The following KCNQ1OT1 variants were observed in gnomAD, a reference collection of about 807,000 sequenced individuals.
KCNQ1OT1 encodes KCNQ1 opposite strand/antisense transcript 1.
At position 2,662,094 on chromosome 11, in the gene KCNQ1OT1, A is replaced by G. The variant is rs532874422; in HGVS notation, n.37901T>C. ...CCCACATCTCACAGTGAGTGCCTAC[A>G]TGTGCGTGAAGGGCTGGGCTGGAGG... is the stretch of plus-strand genomic sequence containing the variant. On this transcript the variant is annotated non_coding_transcript_exon_variant, in exon 1 of 1. Coordinates refer to ENST00000597346, the Ensembl canonical transcript of KCNQ1OT1. The G allele has an allele frequency of 8.1e-6, 13 of 1,614,146 alleles. No homozygotes were observed. The Admixed American group carries it at 1.2e-4, about 14-fold the overall frequency.
exon 1 of KCNQ1OT1, chr11:2,616,541 T>C: frequency 2.5e-6 from 1 of 398,108 alleles, no homozygotes; most frequent in South Asian, 1.3e-4. Context: ...ATTTTTCCTC[T>C]GAGCACTTCT....
At chr11:2,693,934 T>A (rs1244903177) in exon 1 of KCNQ1OT1, 2 of 398,632 alleles carry the variant, frequency 5.0e-6, no homozygotes, top group African/African-American at 4.1e-5. Context: ...CGGTATCCGC[T>A]GAGAACCACT....
exon 1 of KCNQ1OT1, chr11:2,625,944 C>G: frequency 2.5e-6 from 1 of 398,566 alleles, no homozygotes; most frequent in Non-Finnish European, 4.4e-6. Context: ...GGACATTAAT[C>G]CCTTATCAGG....
rs1190708709 is a variant in KCNQ1OT1 at position 2,645,909 on chromosome 11, T to C, written n.54086A>G. ...TCTCTGGGAGCTGTTCATTGCCATT[T>C]CACAGTCTGTAGGTAGCCTCTTGTT... On this transcript the variant is annotated non_coding_transcript_exon_variant, in exon 1 of 1. Coordinates refer to ENST00000597346, the Ensembl canonical transcript of KCNQ1OT1. The surrounding 1 kb of genome is among the most constrained non-coding windows in gnomAD (Gnocchi z 5.8). 2.5e-6 allele frequency: 1 copy of C among 398,638 alleles called. No homozygotes were observed. Among genetic ancestry groups the C allele is most frequent in the African/African-American group, 2.1e-5 (1 of 48,730 alleles). 24.7% of individuals were successfully genotyped at this position (398,638 alleles called of 1,614,324 possible). A position where few individuals can be genotyped will look rare whatever the true frequency, so the allele number is the denominator to read the frequency against.
chr11:2,695,211 G>A lies in KCNQ1OT1; in HGVS notation n.4784C>T, dbSNP rs778156701. On this transcript the variant is annotated non_coding_transcript_exon_variant, in exon 1 of 1. Coordinates refer to ENST00000597346, the Ensembl canonical transcript of KCNQ1OT1. The surrounding 1 kb of genome is among the most constrained non-coding windows in gnomAD (Gnocchi z 5.2). ...CCTATGAAACACTGTCACCCTGTAA[G>A]GGTCTGCATAAAGTCACCGCTCTCT... 3.8e-4 allele frequency: 151 copies of A among 398,454 alleles called. No homozygotes were observed. The highest frequency in any genetic ancestry group is 4.9e-4 in the Non-Finnish European group (110 of 226,084). 24.7% of individuals were successfully genotyped at this position (398,454 alleles called of 1,614,324 possible). A position where few individuals can be genotyped will look rare whatever the true frequency, so the allele number is the denominator to read the frequency against.
At chr11:2,650,650 C>G (rs1032965219) in exon 1 of KCNQ1OT1, 2 of 398,504 alleles carry the variant, frequency 5.0e-6, no homozygotes, top group Non-Finnish European at 8.8e-6. Context: ...TACCTTCAAA[C>G]TTTTTGACAA....
chr11:2,650,757 A>G (rs77261324), exon 1 of KCNQ1OT1: 1 of 398,662 alleles, frequency 2.5e-6, no homozygotes, highest in African/African-American at 2.1e-5. Context: ...TGCTACCCAC[A>G]GGCAATTTGA....
At position 2,608,353 on chromosome 11, in the gene KCNQ1OT1, T is replaced by G; in HGVS notation, n.91642A>C. ...TAGTCAGTTTTCATAGTTTTCATCT[T>G]TCTAGGAATTTGTCAATTTCATCTA... is the stretch of plus-strand genomic sequence containing the variant. On this transcript the variant is annotated non_coding_transcript_exon_variant, in exon 1 of 1. Transcript: ENST00000597346. This position sits in a 1 kb window ranked among gnomAD's most constrained non-coding sequence, Gnocchi z 4.6. The G allele has an allele frequency of 2.5e-6, 1 of 398,610 alleles. No individual in the cohort carries two copies. Among genetic ancestry groups the G allele is most frequent in the Non-Finnish European group, 4.4e-6 (1 of 226,054 alleles). The allele number at this position is 398,610 out of a possible 1,614,324, so 24.7% of individuals were successfully genotyped here.
At chr11:2,616,563 C>T (rs1849068019) in exon 1 of KCNQ1OT1, 1 of 397,898 alleles carries the variant, frequency 2.5e-6, no homozygotes, top group Non-Finnish European at 4.4e-6. Flanking sequence ...TCACTACATC[C>T]CATAAGTCTG....
exon 1 of KCNQ1OT1, chr11:2,660,248 C>T (rs1027917525): frequency 2.3e-5 from 9 of 397,970 alleles, no homozygotes; most frequent in Non-Finnish European, 2.7e-5. Flanking sequence ...AATTGTTGAT[C>T]ATCTGTCCTA....
chr11:2,630,793 T>C (rs895973854), exon 1 of KCNQ1OT1: 14 of 398,366 alleles, frequency 3.5e-5, no homozygotes, highest in Non-Finnish European at 5.8e-5. Context: ...CCTTCAACTT[T>C]TGTTTACCTG....
chr11:2,694,444 A>G (rs1402262432), exon 1 of KCNQ1OT1: 1 of 398,566 alleles, frequency 2.5e-6, no homozygotes, highest in Non-Finnish European at 4.4e-6. Flanking sequence ...ATCTTACAAT[A>G]TAAATGACAG....
chr11:2,660,884 A>C (rs185380746), exon 1 of KCNQ1OT1: 1 of 398,662 alleles, frequency 2.5e-6, no homozygotes, highest in Admixed American at 4.4e-5. Context: ...ATATGGCATC[A>C]TAGTCTGAAT....
chr11:2,633,193 T>G lies in KCNQ1OT1; in HGVS notation n.66802A>C, dbSNP rs147753998. 6 of 398,552 alleles carry G rather than the reference T, an allele frequency of 1.5e-5. No homozygotes were observed. In the East Asian group the frequency reaches 2.1e-4, roughly 14 times the overall value. 24.7% of individuals were successfully genotyped at this position (398,552 alleles called of 1,614,324 possible). ...GTTGAGCATTTTTTCACATACCTGT[T>G]GGCCAGTTGTTCTATTTTGCACATT... On this transcript the variant is annotated non_coding_transcript_exon_variant, in exon 1 of 1. Coordinates refer to ENST00000597346, the Ensembl canonical transcript of KCNQ1OT1.
In KCNQ1OT1 at chr11:2,620,176, G is replaced by C. The variant is rs554244540; in HGVS notation, n.79819C>G. On this transcript the variant is annotated non_coding_transcript_exon_variant, in exon 1 of 1. Transcript: ENST00000597346. The surrounding 1 kb of genome is among the most constrained non-coding windows in gnomAD (Gnocchi z 4.5). ...GGCCTCTAGCTGCATCCATGTTGCT[G>C]CAAAGGACGTAAGTTCATTCATGTA... 5.1e-6 allele frequency: 2 copies of C among 393,786 alleles called. No individual in the cohort carries two copies. 24.4% of individuals were successfully genotyped at this position (393,786 alleles called of 1,614,324 possible).
chr11:2,627,779 CTCCA>C lies in KCNQ1OT1; in HGVS notation n.72212_72215del. 1 of 398,336 alleles carries C rather than the reference CTCCA, an allele frequency of 2.5e-6. No homozygotes were observed. The highest frequency in any genetic ancestry group is 4.4e-6 in the Non-Finnish European group (1 of 226,052). The allele number at this position is 398,336 out of a possible 1,614,324, so 24.7% of individuals were successfully genotyped here. On this transcript the variant is annotated non_coding_transcript_exon_variant, in exon 1 of 1. Transcript: ENST00000597346. The surrounding 1 kb of genome is among the most constrained non-coding windows in gnomAD (Gnocchi z 4.9). ...TCTTCCTTTCTTTTTGAGACAGGGT[CTCCA>C]TCTGTCATCCAGGCAGGAGTACAGT...
exon 1 of KCNQ1OT1, chr11:2,662,181 T>C: frequency 6.6e-7 from 1 of 1,514,310 alleles, no homozygotes; most frequent in South Asian, 1.2e-5. Flanking sequence ...GCCAGAGTGC[T>C]ATCTACTCGC....
chr11:2,615,677 A>G (rs1849049095), exon 1 of KCNQ1OT1: 2 of 397,966 alleles, frequency 5.0e-6, no homozygotes, highest in South Asian at 1.3e-4. Context: ...AATGTGGTGT[A>G]TTACATTGAT....
Position 2,664,922 on chromosome 11 carries a change from C to G in KCNQ1OT1, n.35073G>C. On this transcript the variant is annotated non_coding_transcript_exon_variant, in exon 1 of 1. Transcript: ENST00000597346. The surrounding 1 kb of genome is among the most constrained non-coding windows in gnomAD (Gnocchi z 5.1). ...GTTTCCATCTCGAGCTCTCCCCGCCCGCAGGGCCCCAGAGAGGTGAGGTCA... is the reference window on the plus strand; with the variant it reads ...GTTTCCATCTCGAGCTCTCCCCGCCGGCAGGGCCCCAGAGAGGTGAGGTCA... 2.5e-6 allele frequency: 1 copy of G among 398,610 alleles called. No individual in the cohort carries two copies. The highest frequency in any genetic ancestry group is 4.4e-6 in the Non-Finnish European group (1 of 226,078). The allele number at this position is 398,610 out of a possible 1,614,324, so 24.7% of individuals were successfully genotyped here.
Sources: allele counts gnomAD v4.1 joint callset, GRCh38; gene constraint gnomAD v4.1.1; non-coding constraint Gnocchi (gnomAD v3.1); transcripts MANE v1.5; gene names NCBI Gene and HGNC (gene_info 2026-07-23, HGNC 2026-07-21).